The following PARD3B variants were observed in gnomAD, a reference collection of about 807,000 sequenced individuals.
The protein encoded by PARD3B is par-3 family cell polarity regulator beta.
PARD3B carries 103 observed loss-of-function variants against 130.2 expected under a neutral mutation model. The observed-to-expected ratio is 0.79, with a 90% CI of 0.67 to 0.93. PARD3B has a LOEUF of 0.93. PARD3B is among the 40% of genes least tolerant of loss of function. The pLI is 0.00. For missense variants in PARD3B, 1,609 were observed against 1,499.2 expected (o/e 1.07, Z -1.21); for synonymous variants, 583 against 553.2 (o/e 1.05, Z -0.76).
rs2053175214 is a variant in PARD3B, at chr2:205,562,549, T to C, written c.3260+9146T>C. Among the ~76,000 whole-genome samples the C allele has an allele frequency of 6.6e-6, 1 of 152,180 alleles. No homozygotes were observed. The highest frequency in any genetic ancestry group is 1.5e-5 in the Non-Finnish European group (1 of 68,026). On this transcript the variant is annotated intron_variant, in intron 22 of 22. Transcript: ENST00000406610. This position sits in a 1 kb window ranked among gnomAD's most constrained non-coding sequence, Gnocchi z 5.4. Reference sequence around the variant, plus strand: ...ACCTTGGACATGAAATCTATTAAGCTTGGTAAGCTGACTTGCATGTTTTCC... The same window carrying C: ...ACCTTGGACATGAAATCTATTAAGCCTGGTAAGCTGACTTGCATGTTTTCC...
intron 2 of PARD3B, among the ~76,000 whole-genome samples, chr2:204,898,500 A>AT (rs1202025421): frequency 2.0e-5 from 3 of 151,762 alleles, no homozygotes; most frequent in Admixed American, 1.3e-4. Flanking sequence ...TACAATTTCA[A>AT]TTTTTTTTGA....
intron 15 of PARD3B, among the ~76,000 whole-genome samples, chr2:205,236,170 T>C (rs550912413): frequency 1.3e-5 from 2 of 152,300 alleles, no homozygotes; most frequent in Admixed American, 1.3e-4. Context: ...GGAAACCTTG[T>C]AGATATTAAA....
chr2:205,311,505 C>A (rs1372071166), intron 18 of PARD3B, among the ~76,000 whole-genome samples: 2 of 152,168 alleles, frequency 1.3e-5, no homozygotes, highest in African/African-American at 4.8e-5. Flanking sequence ...TGTCTTCCCC[C>A]TCTGGCTCCA....
At chr2:205,108,851 C>G (rs959632790) in intron 5 of PARD3B, among the ~76,000 whole-genome samples, 1 of 152,118 alleles carries the variant, frequency 6.6e-6, no homozygotes, top group Admixed American at 6.5e-5. Context: ...ATTAAACTCT[C>G]TAAGCATAAG....
chr2:205,375,801 G>A (rs2045023338), intron 18 of PARD3B, among the ~76,000 whole-genome samples: 2 of 152,186 alleles, frequency 1.3e-5, no homozygotes, highest in African/African-American at 4.8e-5. Context: ...CAGACTAGAG[G>A]AGAGGTCTTA....
rs1256457670 is a variant in PARD3B at position 204,941,121 on chromosome 2, T to C, written c.223-24031T>C. Among the ~76,000 whole-genome samples the C allele has an allele frequency of 2.0e-5, 3 of 152,190 alleles. No individual in the cohort carries two copies. In the East Asian group the frequency reaches 5.8e-4, roughly 29 times the overall value. The stretch of plus-strand genomic sequence containing the variant: ...AAATTTCATATGTGTGAATGCAAAA[T>C]ATTTTTTAAAAACTTTGTTTCTATT... On this transcript the variant is annotated intron_variant, in intron 2 of 22. Coordinates refer to ENST00000406610, the MANE Select transcript of PARD3B (RefSeq NM_001302769.2).
chr2:205,097,161 A>T (rs1489117866), intron 4 of PARD3B, among the ~76,000 whole-genome samples: 1 of 152,218 alleles, frequency 6.6e-6, no homozygotes, highest in Non-Finnish European at 1.5e-5. Context: ...TTGTGGATAT[A>T]CATCTAGTTA....
rs79410205 is a variant in PARD3B, at chr2:204,825,936, C to A, written c.223-139216C>A. Among the ~76,000 whole-genome samples, 480 of 152,188 alleles carry A rather than the reference C, an allele frequency of 3.2e-3. 3 individuals carry two copies. Among genetic ancestry groups the A allele is most frequent in the African/African-American group, 0.011 (452 of 41,536 alleles). ...CCCTTTTTCACAGTATCTTATATAC[C>A]TTAGCCTGAGATTGGCTGTGTGATG... On this transcript the variant is annotated intron_variant, in intron 2 of 22. Coordinates refer to ENST00000406610, the MANE Select transcript of PARD3B (RefSeq NM_001302769.2).
At position 205,575,113 on chromosome 2, in the gene PARD3B, A is replaced by ACACACACACG. The variant is rs141496657; in HGVS notation, c.3260+21711_3260+21712insACACACACGC. ...CACACACACACACACACACACACAC[A>ACACACACACG]CGCGTACACTATATATAAAAATATA... On this transcript the variant is annotated intron_variant, in intron 22 of 22. Coordinates refer to ENST00000406610, the MANE Select transcript of PARD3B (RefSeq NM_001302769.2). This position sits in a 1 kb window ranked among gnomAD's most constrained non-coding sequence, Gnocchi z 4.6. 4.7e-4 allele frequency among the ~76,000 whole-genome samples: 59 copies of ACACACACACG among 126,382 alleles called. No homozygotes were observed. Among genetic ancestry groups the ACACACACACG allele is most frequent in the Admixed American group, 1.0e-3 (12 of 11,874 alleles). The allele number at this position is 126,382 out of a possible 152,430, so 82.9% of individuals were successfully genotyped here. A position where few individuals can be genotyped will look rare whatever the true frequency, so the allele number is the denominator to read the frequency against.
chr2:205,346,217 A>AAATT (rs2043761983), intron 18 of PARD3B, among the ~76,000 whole-genome samples: 1 of 127,622 alleles, frequency 7.8e-6, no homozygotes, highest in African/African-American at 2.8e-5. Context: ...ATAAATAAAT[A>AAATT]AATTTCATAT....
In PARD3B at chr2:204,664,755, T is replaced by C. The variant is rs950292337; in HGVS notation, c.121-21426T>C. On this transcript the variant is annotated intron_variant, in intron 1 of 22. Transcript: ENST00000406610. The surrounding 1 kb of genome is among the most constrained non-coding windows in gnomAD (Gnocchi z 5.2). Reference sequence around the variant, plus strand: ...AATAGTTTTCTGTAAGCTATGTGAATGTCAGAGAGCAGAAATAGTCAGAAT... The same window carrying C: ...AATAGTTTTCTGTAAGCTATGTGAACGTCAGAGAGCAGAAATAGTCAGAAT... 2.6e-5 allele frequency among the ~76,000 whole-genome samples: 4 copies of C among 152,234 alleles called. No homozygotes were observed. The highest frequency in any genetic ancestry group is 4.8e-5 in the African/African-American group (2 of 41,464).
At chr2:205,022,076 G>T (rs1341990105) in intron 3 of PARD3B, among the ~76,000 whole-genome samples, 2 of 152,010 alleles carry the variant, frequency 1.3e-5, no homozygotes, top group Non-Finnish European at 2.9e-5. Flanking sequence ...TCATTGCTTA[G>T]ATTTAACAAT....
chr2:205,437,824 G>A (rs569571618), intron 19 of PARD3B, among the ~76,000 whole-genome samples: 120 of 152,026 alleles, frequency 7.9e-4, no homozygotes, highest in Non-Finnish European at 1.3e-3. Context: ...TGGTAGTACC[G>A]TCAAATAAAA....
intron 20 of PARD3B, among the ~76,000 whole-genome samples, chr2:205,467,463 T>C (rs900738009): frequency 1.3e-5 from 2 of 152,236 alleles, no homozygotes; most frequent in Non-Finnish European, 2.9e-5. Flanking sequence ...AAACCACATA[T>C]GTAATTTAAA....
intron 20 of PARD3B, among the ~76,000 whole-genome samples, chr2:205,469,529 C>T (rs565559710): frequency 6.6e-6 from 1 of 152,124 alleles, no homozygotes; most frequent in African/African-American, 2.4e-5. Flanking sequence ...ACTTTTTCAC[C>T]CCATCCAGTC....
intron 2 of PARD3B, among the ~76,000 whole-genome samples, chr2:204,739,075 T>C (rs1244374170): frequency 1.3e-5 from 2 of 152,182 alleles, no homozygotes; most frequent in African/African-American, 4.8e-5. Context: ...TTTTTAAATC[T>C]ACTTTTTAAT....
intron 2 of PARD3B, among the ~76,000 whole-genome samples, chr2:204,727,525 T>C (rs1161362370): frequency 6.6e-6 from 1 of 152,146 alleles, no homozygotes; most frequent in Admixed American, 6.5e-5. Flanking sequence ...GCTCATAGAT[T>C]TGGAAGGAAG....
Position 205,137,220 on chromosome 2 carries a change from A to T in PARD3B, c.1434+11483A>T, listed in dbSNP as rs140666604. Among the ~76,000 whole-genome samples the T allele has an allele frequency of 2.0e-5, 3 of 152,278 alleles. No homozygotes were observed. In the East Asian group the frequency reaches 5.8e-4, roughly 29 times the overall value. ...GTCAAAAGACTTTAAAAGTCAAAGG[A>T]CTTTAAAATCATGAAAGATTTCGTT... is the stretch of plus-strand genomic sequence containing the variant. On this transcript the variant is annotated intron_variant, in intron 10 of 22. Transcript: ENST00000406610.
intron 2 of PARD3B, among the ~76,000 whole-genome samples, chr2:204,881,861 A>T (rs978232163): frequency 1.3e-5 from 2 of 152,200 alleles, no homozygotes; most frequent in Admixed American, 1.3e-4. Context: ...AGAGCTGCAC[A>T]GGAGTGCTTT....
Sources: allele counts gnomAD v4.1 joint callset (sites outside exome capture counted in the v4.1 genomes callset), GRCh38; gene constraint gnomAD v4.1.1; non-coding constraint Gnocchi (gnomAD v3.1); transcripts MANE v1.5; gene names NCBI Gene and HGNC (gene_info 2026-07-23, HGNC 2026-07-21).